Variants in C8A observed in about 807,000 individuals in gnomAD.
C8A encodes complement C8 alpha chain, also known as complement component C8 alpha chain.
Under a neutral mutation model 65.3 loss-of-function variants are expected in C8A, and 67 were observed. The observed-to-expected ratio is 1.03, with a 90% CI of 0.84 to 1.26. The LOEUF is 1.26. C8A is among the 50% of genes most tolerant of loss of function. The probability of loss-of-function intolerance (pLI) is 0.00; values close to 1 mark genes in which losing one functional copy is unlikely to be tolerated. For synonymous variants in C8A, 290 were observed against 259.4 expected (o/e 1.12, Z -1.13); for missense variants, 781 against 723.9 (o/e 1.08, Z -0.90).
chr1:56,864,312 T>A (rs1057325266), intron 1 of C8A, among the ~76,000 whole-genome samples: 2 of 152,152 alleles, frequency 1.3e-5, no homozygotes, highest in Non-Finnish European at 2.9e-5. Context: ...GGGGTCTAGG[T>A]GTTTAGAATA....
chr1:56,855,129 G>C (rs995286619), intron 1 of C8A, 151 bp downstream of exon 1: 6 of 732,476 alleles, frequency 8.2e-6, no homozygotes, highest in Admixed American at 2.0e-5. Flanking sequence ...GGATGGGACA[G>C]TGAAAAGACC....
chr1:56,900,545 C>T (rs1237382849), intron 7 of C8A, among the ~76,000 whole-genome samples: 1 of 152,190 alleles, frequency 6.6e-6, no homozygotes, highest in African/African-American at 2.4e-5. Flanking sequence ...CTGCTTTTTC[C>T]AATCTTAGCC....
chr1:56,882,397 C>T (rs1367127860), intron 5 of C8A, among the ~76,000 whole-genome samples: 2 of 152,122 alleles, frequency 1.3e-5, no homozygotes, highest in East Asian at 1.9e-4. Flanking sequence ...ATCATTGCCT[C>T]ATTTTAGATA....
intron 6 of C8A, among the ~76,000 whole-genome samples, chr1:56,885,495 AATAC>A (rs1644291758): frequency 1.8e-5 from 2 of 110,190 alleles, no homozygotes; most frequent in Admixed American, 1.2e-4. Flanking sequence ...TATTTACGTA[AATAC>A]ATATATATAT....
intron 1 of C8A, among the ~76,000 whole-genome samples, chr1:56,857,096 C>T (rs891398555): frequency 1.3e-5 from 2 of 151,920 alleles, no homozygotes; most frequent in African/African-American, 4.8e-5. Context: ...GTGAATATTC[C>T]ATATGCTCAA....
At chr1:56,904,871 A>G (rs1299848867) in intron 7 of C8A, among the ~76,000 whole-genome samples, 1 of 152,158 alleles carries the variant, frequency 6.6e-6, no homozygotes, top group Non-Finnish European at 1.5e-5. Context: ...TTCTCCCAGC[A>G]TCACGTGGCA....
chr1:56,869,589 C>T (rs575824165), intron 2 of C8A, among the ~76,000 whole-genome samples: 7 of 152,176 alleles, frequency 4.6e-5, no homozygotes, highest in African/African-American at 1.7e-4. Context: ...GAAATCTCCA[C>T]ACTGTTTTCC....
chr1:56,891,578 T>C (rs769618561), intron 7 of C8A, among the ~76,000 whole-genome samples: 11 of 152,078 alleles, frequency 7.2e-5, no homozygotes, highest in Non-Finnish European at 1.3e-4. Context: ...GAATAAAGAA[T>C]GGACATGAAA....
intron 7 of C8A, among the ~76,000 whole-genome samples, chr1:56,891,180 G>C (rs1644342240): frequency 6.6e-6 from 1 of 152,110 alleles, no homozygotes. Flanking sequence ...ACTGAGATGA[G>C]ATCCAAAGGA....
Position 56,906,708 on chromosome 1 carries a change from T to C in C8A, c.1138T>C (p.Leu380=), listed in dbSNP as rs1244491214. 19 of 1,613,930 alleles carry C rather than the reference T, an allele frequency of 1.2e-5. No homozygotes were observed. Among genetic ancestry groups the C allele is most frequent in the Non-Finnish European group, 1.6e-5 (19 of 1,179,930 alleles). ...TATCACGACATGTTTTGGAGGCTCC[T>C]TGGGCATTCAATATGAAGACAAAAT... is the stretch of plus-strand genomic sequence containing the variant. ...RDITTCFGGS[L]GIQYEDKINV... Residue 380 remains leucine (L), a synonymous_variant, in exon 8 of 11, where the codon TTG becomes CTG. Transcript: ENST00000361249.
rs1261430711 is a variant in C8A, at chr1:56,867,625, G to T, written c.94G>T (p.Ala32Ser). 1 of 1,613,712 alleles carries T rather than the reference G, an allele frequency of 6.2e-7. No homozygotes were observed. ...TTTCTTTAGGAGAGTAAGACGGGCA[G>T]CTACACCCGCAGCAGTTACCTGCCA... ...EKVNQRVRRA[A>S]TPAAVTCQLS... is the part of the protein sequence containing the mutation. Residue 32 changes from alanine (A) to serine (S), a missense_variant, in exon 2 of 11, where the codon GCT becomes TCT. Physicochemically the swap from Ala to Ser is moderately conservative, Grantham distance 99 (BLOSUM62 1). Transcript: ENST00000361249.
chr1:56,903,181 A>G (rs1218293772), intron 7 of C8A, among the ~76,000 whole-genome samples: 4 of 152,144 alleles, frequency 2.6e-5, no homozygotes, highest in Non-Finnish European at 5.9e-5. Context: ...CCCAAATCTC[A>G]TCTTGAATTG....
chr1:56,875,737 C>T (rs1644192267), intron 3 of C8A, among the ~76,000 whole-genome samples: 1 of 152,016 alleles, frequency 6.6e-6, no homozygotes, highest in South Asian at 2.1e-4. Context: ...AGGTAGGGTC[C>T]AGACTGTGGC....
chr1:56,878,479 T>C (rs2101224547), intron 4 of C8A, among the ~76,000 whole-genome samples: 1 of 152,264 alleles, frequency 6.6e-6, no homozygotes, highest in African/African-American at 2.4e-5. Context: ...ACTAGAAACA[T>C]TTCAAATACG....
intron 7 of C8A, among the ~76,000 whole-genome samples, chr1:56,892,432 A>G (rs1352194548): frequency 2.0e-5 from 3 of 152,116 alleles, no homozygotes; most frequent in Non-Finnish European, 2.9e-5. Context: ...CTAGTAAATG[A>G]AAAATATACA....
chr1:56,889,263 C>T (rs914667914), intron 7 of C8A, among the ~76,000 whole-genome samples: 2 of 152,174 alleles, frequency 1.3e-5, no homozygotes, highest in Non-Finnish European at 2.9e-5. Context: ...ATCACCTCAT[C>T]TGCTGGAGAC....
intron 9 of C8A, among the ~76,000 whole-genome samples, chr1:56,909,522 G>T (rs1488139002): frequency 6.6e-6 from 1 of 152,206 alleles, no homozygotes; most frequent in African/African-American, 2.4e-5. Flanking sequence ...AGCAAAAACT[G>T]TAAAATTGAT....
intron 1 of C8A, among the ~76,000 whole-genome samples, chr1:56,864,540 C>CATGA (rs1644065738): frequency 6.6e-6 from 1 of 152,066 alleles, no homozygotes; most frequent in Non-Finnish European, 1.5e-5. Flanking sequence ...ACAGGTGATT[C>CATGA]ATGAATGAAT....
In C8A at chr1:56,867,620, G is replaced by A. The variant is rs201955480; in HGVS notation, c.89G>A (p.Arg30Gln). ...AQEKVNQRVR[R>Q]AATPAAVTCQ... ...TTCCCTTTCTTTAGGAGAGTAAGACGGGCAGCTACACCCGCAGCAGTTACC... is the reference window on the plus strand; with the variant it reads ...TTCCCTTTCTTTAGGAGAGTAAGACAGGCAGCTACACCCGCAGCAGTTACC... Residue 30 changes from arginine (R) to glutamine (Q), a missense_variant, in exon 2 of 11, where the codon CGG becomes CAG. Transcript: ENST00000361249. 3.2e-5 allele frequency: 52 copies of A among 1,613,060 alleles called. No individual in the cohort carries two copies. The highest frequency in any genetic ancestry group is 2.2e-5 in the East Asian group (1 of 44,834).
Sources: gnomAD v4.1 joint callset for allele counts (sites outside exome capture counted in the v4.1 genomes callset) on GRCh38, gnomAD v4.1.1 for gene constraint, MANE v1.5 for transcripts, NCBI Gene and HGNC (gene_info 2026-07-23, HGNC 2026-07-21) for gene names.